Variants in CNBD1 observed in about 807,000 individuals in gnomAD.
The protein encoded by CNBD1 is cyclic nucleotide-binding domain-containing protein 1.
A neutral mutation model predicts 54.4 loss-of-function variants in CNBD1; 71 were observed. The observed-to-expected ratio is 1.30, with a 90% CI of 1.08 to 1.59. The LOEUF is 1.59. Ranked by LOEUF, CNBD1 falls within the 40% of genes most tolerant of loss-of-function variation. CNBD1 has a pLI of 0.00. For synonymous variants in CNBD1, 182 were observed against 170.7 expected (o/e 1.07, Z -0.51); for missense variants, 659 against 518.0 (o/e 1.27, Z -2.64).
chr8:87,420,507 G>A (rs1041763918), intron 2 of CNBD1, among the ~76,000 whole-genome samples: 7 of 151,996 alleles, frequency 4.6e-5, no homozygotes, highest in Admixed American at 3.3e-4. Flanking sequence ...AAAGAGAAAA[G>A]TTTTATTACA....
intron 2 of CNBD1, among the ~76,000 whole-genome samples, chr8:87,405,406 T>C (rs1265145505): frequency 6.6e-6 from 1 of 152,116 alleles, no homozygotes; most frequent in Non-Finnish European, 1.5e-5. Context: ...AGTCAGGAAA[T>C]AATGCTCCTT....
intron 4 of CNBD1, among the ~76,000 whole-genome samples, chr8:87,192,139 A>G (rs1315224079): frequency 3.9e-5 from 6 of 152,184 alleles, no homozygotes; most frequent in Non-Finnish European, 8.8e-5. Context: ...CAATTTAAAA[A>G]GTAAGAAAAA....
chr8:87,137,632 G>A (rs148379556), intron 4 of CNBD1, among the ~76,000 whole-genome samples: 26 of 152,290 alleles, frequency 1.7e-4, no homozygotes, highest in East Asian at 1.9e-4. Flanking sequence ...CCTGAAAGAC[G>A]TGCCACCTTG....
At chr8:86,995,287 G>A (rs895004010) in intron 4 of CNBD1, among the ~76,000 whole-genome samples, 1 of 152,318 alleles carries the variant, frequency 6.6e-6, no homozygotes, top group East Asian at 1.9e-4. Flanking sequence ...CCAGGGGCAG[G>A]CATGCTTTTA....
intron 2 of CNBD1, among the ~76,000 whole-genome samples, chr8:86,894,830 C>A (rs1251335711): frequency 6.6e-6 from 1 of 151,960 alleles, no homozygotes; most frequent in Non-Finnish European, 1.5e-5. Flanking sequence ...AGTCTGTTTT[C>A]TATTGCTATA....
intron 5 of CNBD1, among the ~76,000 whole-genome samples, chr8:87,230,415 T>C (rs752058794): frequency 2.6e-5 from 4 of 152,254 alleles, no homozygotes; most frequent in Non-Finnish European, 2.9e-5. Flanking sequence ...TTTATCTATA[T>C]ATACATTTTA....
intron 4 of CNBD1, among the ~76,000 whole-genome samples, chr8:87,057,909 A>G (rs1810457515): frequency 6.6e-6 from 1 of 152,046 alleles, no homozygotes; most frequent in African/African-American, 2.4e-5. Context: ...AAGTACCCCT[A>G]ATGTCTTAAC....
chr8:86,905,582 C>T (rs1052952088), intron 3 of CNBD1, among the ~76,000 whole-genome samples: 1 of 152,044 alleles, frequency 6.6e-6, no homozygotes, highest in African/African-American at 2.4e-5. Context: ...GTATAAATCA[C>T]AAAGTCATGG....
chr8:86,877,390 G>C (rs539461255), intron 1 of CNBD1, among the ~76,000 whole-genome samples: 1 of 152,098 alleles, frequency 6.6e-6, no homozygotes, highest in Non-Finnish European at 1.5e-5. Flanking sequence ...TCTTCACCCA[G>C]TGCTTACTAG....
intron 4 of CNBD1, among the ~76,000 whole-genome samples, chr8:87,121,345 T>G (rs1811885138): frequency 1.3e-5 from 2 of 151,418 alleles, no homozygotes; most frequent in African/African-American, 2.4e-5. Context: ...GAAATAAGAG[T>G]GTATTTAGCA....
At chr8:87,253,960 AAGT>A (rs1236256185) in intron 6 of CNBD1, among the ~76,000 whole-genome samples, 1 of 152,230 alleles carries the variant, frequency 6.6e-6, no homozygotes, top group Admixed American at 6.5e-5. Context: ...ATCATACACA[AAGT>A]AGAGGATAAA....
At chr8:87,249,278 T>C (rs891422365) in intron 6 of CNBD1, among the ~76,000 whole-genome samples, 4 of 152,114 alleles carry the variant, frequency 2.6e-5, no homozygotes, top group Non-Finnish European at 5.9e-5. Flanking sequence ...ACACTACTGA[T>C]CTGACAGGAG....
chr8:86,999,529 T>C (rs1349461527), intron 4 of CNBD1, among the ~76,000 whole-genome samples: 1 of 150,844 alleles, frequency 6.6e-6, no homozygotes, highest in East Asian at 1.9e-4. Flanking sequence ...GAACACCCAC[T>C]CTGTGGTATT....
chr8:87,333,768 C>A (rs2130912555), intron 8 of CNBD1, among the ~76,000 whole-genome samples: 1 of 152,218 alleles, frequency 6.6e-6, no homozygotes, highest in African/African-American at 2.4e-5. Flanking sequence ...ATTTGGTTTG[C>A]CAGCATTTTA....
intron 4 of CNBD1, among the ~76,000 whole-genome samples, chr8:87,137,949 G>A (rs188395020): frequency 6.6e-5 from 10 of 152,126 alleles, no homozygotes; most frequent in Admixed American, 2.6e-4. Context: ...TTTTGTTCTT[G>A]AAGCCCTTGG....
chr8:86,916,583 T>C (rs1436268535), intron 3 of CNBD1, among the ~76,000 whole-genome samples: 1 of 152,180 alleles, frequency 6.6e-6, no homozygotes, highest in Non-Finnish European at 1.5e-5. Flanking sequence ...TGTGTACGTG[T>C]AAGTCTACTT....
intron 5 of CNBD1, among the ~76,000 whole-genome samples, chr8:87,234,909 A>G (rs1309370695): frequency 6.6e-6 from 1 of 152,210 alleles, no homozygotes; most frequent in African/African-American, 2.4e-5. Flanking sequence ...TTTCATCTAC[A>G]TTGAAAATCT....
At chr8:86,896,741 C>T (rs1385863749) in intron 2 of CNBD1, among the ~76,000 whole-genome samples, 1 of 152,084 alleles carries the variant, frequency 6.6e-6, no homozygotes, top group Non-Finnish European at 1.5e-5. Context: ...TTCCTGTCAG[C>T]TAGATTTGGC....
At chr8:87,206,471 T>G (rs745306339) in intron 5 of CNBD1, among the ~76,000 whole-genome samples, 1 of 152,170 alleles carries the variant, frequency 6.6e-6, no homozygotes, top group Non-Finnish European at 1.5e-5. Context: ...ATTTCATTTA[T>G]AATACCTCAG....
Sources: allele counts gnomAD v4.1 joint callset (sites outside exome capture counted in the v4.1 genomes callset), GRCh38; gene constraint gnomAD v4.1.1; transcripts MANE v1.5; gene names NCBI Gene and HGNC (gene_info 2026-07-23, HGNC 2026-07-21).